Variants in STPG2 observed in about 807,000 individuals in gnomAD.
The protein encoded by STPG2 is sperm tail PG-rich repeat containing 2.
STPG2 carries 56 observed loss-of-function variants against 54.2 expected under a neutral mutation model. That is an observed-to-expected ratio of 1.03 (90% CI 0.83 to 1.29). The LOEUF (loss-of-function observed/expected upper bound fraction) is 1.29, where lower values mean the gene tolerates loss of function less well. Ranked by LOEUF, STPG2 falls within the 50% of genes most tolerant of loss-of-function variation. STPG2 has a pLI of 0.00. For missense variants in STPG2, 596 were observed against 544.9 expected (o/e 1.09, Z -0.93); for synonymous variants, 200 against 181.8 (o/e 1.10, Z -0.81).
intron 8 of STPG2, among the ~76,000 whole-genome samples, chr4:97,911,221 G>A (rs1019288247): frequency 3.9e-5 from 6 of 152,188 alleles, no homozygotes; most frequent in East Asian, 3.8e-4. Flanking sequence ...GACTGTCAGC[G>A]GCTGATCTGG....
At chr4:97,487,686 C>T (rs990587156) in intron 4 of STPG2, among the ~76,000 whole-genome samples, 1 of 151,214 alleles carries the variant, frequency 6.6e-6, no homozygotes, top group African/African-American at 2.4e-5. Flanking sequence ...TATAGCAATA[C>T]TAATGGTTGG....
At chr4:98,023,144 G>A (rs35530090) in intron 5 of STPG2, among the ~76,000 whole-genome samples, 59,956 of 151,926 alleles carry the variant, frequency 0.39, 12,056 homozygotes, top group Middle Eastern at 0.46. Context: ...CCATCTTTGT[G>A]GTTTCATCTA....
At chr4:97,605,620 T>G (rs1307370419) in intron 10 of STPG2, among the ~76,000 whole-genome samples, 1 of 151,706 alleles carries the variant, frequency 6.6e-6, no homozygotes, top group Non-Finnish European at 1.5e-5. Context: ...ATAGAGGTAT[T>G]GTGTTTTAAC....
At chr4:97,966,227 A>G (rs1734092116) in intron 7 of STPG2, among the ~76,000 whole-genome samples, 2 of 152,244 alleles carry the variant, frequency 1.3e-5, no homozygotes, top group African/African-American at 4.8e-5. Flanking sequence ...CAAGAACTTC[A>G]TGATGCATGC....
chr4:98,095,109 C>G (rs6840766), intron 5 of STPG2, among the ~76,000 whole-genome samples: 60,224 of 151,956 alleles, frequency 0.4, 12,168 homozygotes, highest in Middle Eastern at 0.46. Flanking sequence ...AGAATTACAA[C>G]AGTTTAAAAT....
At chr4:97,852,870 T>C (rs1241777905) in intron 8 of STPG2, among the ~76,000 whole-genome samples, 3 of 151,526 alleles carry the variant, frequency 2.0e-5, no homozygotes, top group Non-Finnish European at 2.9e-5. Context: ...TTATGACACA[T>C]AGATTGTAGA....
chr4:97,527,069 A>C (rs1205446205), intron 4 of STPG2, among the ~76,000 whole-genome samples: 1 of 151,524 alleles, frequency 6.6e-6, no homozygotes, highest in Non-Finnish European at 1.5e-5. Context: ...TTATATAGGT[A>C]TACACATGCC....
intron 10 of STPG2, among the ~76,000 whole-genome samples, chr4:97,559,526 T>G (rs1303823622): frequency 6.6e-6 from 1 of 152,178 alleles, no homozygotes; most frequent in African/African-American, 2.4e-5. Context: ...AGTCAAACCT[T>G]TCTACAATTC....
intron 5 of STPG2, among the ~76,000 whole-genome samples, chr4:98,042,364 A>G (rs1480420380): frequency 6.6e-6 from 1 of 150,788 alleles, no homozygotes; most frequent in Non-Finnish European, 1.5e-5. Flanking sequence ...TCCTTTTGCT[A>G]GCTTTGGGTT....
At chr4:97,903,102 T>A (rs1578671617) in intron 8 of STPG2, among the ~76,000 whole-genome samples, 1 of 152,236 alleles carries the variant, frequency 6.6e-6, no homozygotes, top group South Asian at 2.1e-4. Context: ...GGGTTCAAAC[T>A]CGAAGTTACA....
Position 97,581,249 on chromosome 4 carries a change from C to T in STPG2, c.1321-22132G>A, listed in dbSNP as rs187632786. Among the ~76,000 whole-genome samples, 835 of 152,150 alleles carry T rather than the reference C, an allele frequency of 5.5e-3. 4 individuals carry two copies. Among genetic ancestry groups the T allele is most frequent in the Non-Finnish European group, 9.5e-3 (643 of 67,968 alleles). On this transcript the variant is annotated intron_variant, in intron 10 of 10. Coordinates refer to ENST00000295268, the MANE Select transcript of STPG2 (RefSeq NM_174952.3). The stretch of plus-strand genomic sequence containing the variant: ...TCTCAGAAAGTTTTTTTGAGCAATG[C>T]CACTCCAGAAGCACCACAAAGAGTG...
In STPG2 at chr4:97,947,603, T is replaced by A. The variant is rs545105881; in HGVS notation, c.934-3596A>T. ...CCTTTTATACCTAGTTTATTGAGGG[T>A]TTTTAATCATAAAAAGATGCTAGAT... On this transcript the variant is annotated intron_variant, in intron 7 of 10. Coordinates refer to ENST00000295268, the MANE Select transcript of STPG2 (RefSeq NM_174952.3). 2.6e-4 allele frequency among the ~76,000 whole-genome samples: 40 copies of A among 152,166 alleles called. 1 individual carries two copies. The highest frequency in any genetic ancestry group is 9.4e-4 in the African/African-American group (39 of 41,540).
At chr4:97,898,926 A>C (rs952027959) in intron 8 of STPG2, among the ~76,000 whole-genome samples, 3 of 151,540 alleles carry the variant, frequency 2.0e-5, no homozygotes, top group Non-Finnish European at 4.4e-5. Flanking sequence ...GGATAACTTT[A>C]AGAGGTGAAC....
intron 9 of STPG2, among the ~76,000 whole-genome samples, chr4:97,724,407 T>C (rs1724554523): frequency 6.6e-6 from 1 of 152,186 alleles, no homozygotes; most frequent in Non-Finnish European, 1.5e-5. Context: ...ACTATCTATG[T>C]CTATTATTAG....
intron 8 of STPG2, among the ~76,000 whole-genome samples, chr4:97,888,094 G>A (rs895582971): frequency 1.3e-5 from 2 of 152,224 alleles, no homozygotes; most frequent in Non-Finnish European, 2.9e-5. Flanking sequence ...GAAAAGCCCT[G>A]GTGTCCAGTC....
rs117326936 is a variant in STPG2 at position 97,892,517 on chromosome 4, C to A, written c.1044+51380G>T. ...TCTCCAGTCAATCAGTACCAAAGAC[C>A]GCATAAGCTATCAGTTACAAATTCC... On this transcript the variant is annotated intron_variant, in intron 8 of 10. Coordinates refer to ENST00000295268, the MANE Select transcript of STPG2 (RefSeq NM_174952.3). 8.5e-5 allele frequency among the ~76,000 whole-genome samples: 13 copies of A among 152,220 alleles called. No individual in the cohort carries two copies. In the East Asian group the frequency reaches 2.5e-3, roughly 29 times the overall value.
intron 8 of STPG2, among the ~76,000 whole-genome samples, chr4:97,850,967 G>A (rs559472132): frequency 6.0e-4 from 92 of 152,294 alleles, no homozygotes; most frequent in African/African-American, 2.1e-3. Flanking sequence ...GAAACTATGT[G>A]TAATATTGAA....
In STPG2 at chr4:97,824,163, C is replaced by A. The variant is rs1728179704; in HGVS notation, c.1204+16610G>T. Reference sequence around the variant, plus strand: ...GTTGACGGGGCTGCTGGGAAAAATCCCTGTGTGACTGACAAGCAGCTGCCT... The same window carrying A: ...GTTGACGGGGCTGCTGGGAAAAATCACTGTGTGACTGACAAGCAGCTGCCT... On this transcript the variant is annotated intron_variant, in intron 9 of 10. Transcript: ENST00000295268. Among the ~76,000 whole-genome samples the A allele has an allele frequency of 2.0e-5, 3 of 151,968 alleles. No individual in the cohort carries two copies. The South Asian group carries it at 6.2e-4, about 32-fold the overall frequency.
At chr4:97,773,691 G>A (rs1353130039) in intron 9 of STPG2, among the ~76,000 whole-genome samples, 1 of 151,998 alleles carries the variant, frequency 6.6e-6, no homozygotes, top group Admixed American at 6.6e-5. Flanking sequence ...TTTATACTTT[G>A]AAAAGTTCAA....
Sources: allele counts gnomAD v4.1 joint callset (sites outside exome capture counted in the v4.1 genomes callset), GRCh38; gene constraint gnomAD v4.1.1; transcripts MANE v1.5; gene names NCBI Gene and HGNC (gene_info 2026-07-23, HGNC 2026-07-21).